The following SHMT2 variants were observed in gnomAD, a reference collection of about 807,000 sequenced individuals.
SHMT2 encodes the protein serine hydroxymethyltransferase, mitochondrial.
In SHMT2, 38 loss-of-function variants were observed where a neutral mutation model predicts 59.6. The observed-to-expected ratio is 0.64, with a 90% CI of 0.49 to 0.84. SHMT2 has a LOEUF of 0.84. Among genes scored for constraint, SHMT2 ranks in the 40% least tolerant of loss-of-function variants. The pLI is 0.00. For missense variants in SHMT2, 533 were observed against 659.5 expected (o/e 0.81, Z 2.10); for synonymous variants, 254 against 258.1 (o/e 0.98, Z 0.15).
In SHMT2 at chr12:57,230,862, A is replaced by C; in HGVS notation, c.93A>C (p.Ala31=). Residue 31 remains alanine, a synonymous_variant, in exon 2 of 12, where the codon GCA becomes GCC. Coordinates refer to ENST00000328923, the MANE Select transcript of SHMT2 (RefSeq NM_005412.6). ...CCATTCGGGCTCAGCACAGCAACGC[A>C]GCCCAGACTCAGACTGGGGAAGCAA... The part of the protein sequence containing the change: ...RMAIRAQHSN[A]AQTQTGEANR... 6.2e-7 allele frequency: 1 copy of C among 1,614,130 alleles called. No homozygotes were observed. The highest frequency in any genetic ancestry group is 8.5e-7 in the Non-Finnish European group (1 of 1,180,024).
Position 57,229,740 on chromosome 12 carries a change from A to G in SHMT2, c.-39A>G, listed in dbSNP as rs1224094294. Reference sequence around the variant, plus strand: ...TTCCGACAGCTTGCTGCCCTAGACCAGAGTTGGTGGCTGGACCTCCTGCGA... The same window carrying G: ...TTCCGACAGCTTGCTGCCCTAGACCGGAGTTGGTGGCTGGACCTCCTGCGA... On this transcript the variant is annotated 5_prime_UTR_variant, in exon 1 of 12. Coordinates refer to ENST00000328923, the MANE Select transcript of SHMT2 (RefSeq NM_005412.6). The G allele has an allele frequency of 6.2e-6, 10 of 1,613,590 alleles. No homozygotes were observed. The highest frequency in any genetic ancestry group is 1.3e-5 in the African/African-American group (1 of 74,924).
At position 57,234,114 on chromosome 12, in the gene SHMT2, A is replaced by T; in HGVS notation, c.1387+4A>T. 1 of 1,614,084 alleles carries T rather than the reference A, an allele frequency of 6.2e-7. No individual in the cohort carries two copies. The highest frequency in any genetic ancestry group is 8.5e-7 in the Non-Finnish European group (1 of 1,179,958). On this transcript the variant is annotated splice_donor_region_variant and intron_variant, in intron 11 of 11. Coordinates refer to ENST00000328923, the MANE Select transcript of SHMT2 (RefSeq NM_005412.6). ...TTAGAGGTGAAGAGCAAGACTGGTG[A>T]GTGAGCAAGAAGGAGCCCCGGGCCA...
At position 57,234,214 on chromosome 12, in the gene SHMT2, T is replaced by G; in HGVS notation, c.1388-20T>G. 1.9e-6 allele frequency: 3 copies of G among 1,611,560 alleles called. No homozygotes were observed. Among genetic ancestry groups the G allele is most frequent in the Non-Finnish European group, 1.7e-6 (2 of 1,178,144 alleles). On this transcript the variant is annotated intron_variant, in intron 11 of 11. Coordinates refer to ENST00000328923, the MANE Select transcript of SHMT2 (RefSeq NM_005412.6). ...TTCCCTAGAGCTCTGACCACTTGTT[T>G]CCTCACCCTCTCTCTCTAGCCAAGC...
chr12:57,233,539 C>T (rs2037417539), intron 8 of SHMT2, 24 bp from the exon 9 acceptor site: 1 of 1,603,286 alleles, frequency 6.2e-7, no homozygotes, highest in Non-Finnish European at 8.5e-7. Context: ...CCTAGGGTGA[C>T]AGCTGCTACT....
At position 57,234,507 on chromosome 12, in the gene SHMT2, A is replaced by G. The variant is rs572752383; in HGVS notation, c.*146A>G. ...AGAGCCAGGTATAGTCTCCCTTCCC[A>G]GAATTTGTAACTGAGAAGATCTTTT... On this transcript the variant is annotated 3_prime_UTR_variant, in exon 12 of 12. Coordinates refer to ENST00000328923, the MANE Select transcript of SHMT2 (RefSeq NM_005412.6). 2 of 805,132 alleles carry G rather than the reference A, an allele frequency of 2.5e-6. No individual in the cohort carries two copies. Among genetic ancestry groups the G allele is most frequent in the African/African-American group, 3.5e-5 (2 of 57,058 alleles). 49.9% of individuals were successfully genotyped at this position (805,132 alleles called of 1,614,324 possible).
intron 6 of SHMT2, 48 bp from the exon 7 acceptor site, chr12:57,232,656 C>T: frequency 6.2e-7 from 1 of 1,608,106 alleles, no homozygotes; most frequent in East Asian, 2.2e-5. Flanking sequence ...TTGGGCAGGC[C>T]TCTCCGGGCC....
At chr12:57,232,148 A>G in intron 4 of SHMT2, 63 bp from the exon 5 acceptor site, 16 of 1,430,244 alleles carry the variant, frequency 1.1e-5, no homozygotes, top group Non-Finnish European at 1.6e-5. Context: ...TGTGGAGTTG[A>G]AGGGAGTGGT....
chr12:57,231,161 C>A (rs569319228), intron 2 of SHMT2, 161 bp downstream of exon 2: 2 of 740,116 alleles, frequency 2.7e-6, no homozygotes, highest in South Asian at 1.8e-5. Context: ...CAGTGCAAGT[C>A]CAGTTTATGG....
At chr12:57,230,364 C>A in intron 1 of SHMT2, 1 of 1,148,008 alleles carries the variant, frequency 8.7e-7, no homozygotes, top group Non-Finnish European at 1.1e-6. Context: ...ACCTGCATTG[C>A]TCTACAATCT....
rs913566895 is a variant in SHMT2 at position 57,234,805 on chromosome 12, C to T, written c.*444C>T. The T allele has an allele frequency of 5.1e-5, 8 of 157,172 alleles. No individual in the cohort carries two copies. The highest frequency in any genetic ancestry group is 1.3e-4 in the Admixed American group (2 of 15,758). 9.7% of individuals were successfully genotyped at this position (157,172 alleles called of 1,614,324 possible). ...CTCCCTCAATGTGTACACCGCTCCG[C>T]TCCCACCACCGCTACCACAAGGACC... On this transcript the variant is annotated 3_prime_UTR_variant, in exon 12 of 12. Transcript: ENST00000328923.
Position 57,231,879 on chromosome 12 carries a change from C to T in SHMT2, c.478C>T (p.Arg160Trp), listed in dbSNP as rs1415799943. 2.5e-6 allele frequency: 4 copies of T among 1,613,026 alleles called. No individual in the cohort carries two copies. Among genetic ancestry groups the T allele is most frequent in the South Asian group, 1.1e-5 (1 of 90,888 alleles). ...VYTALLQPHD[R>W]IMGLDLPDGG... ...CACAGCCCTTCTGCAACCTCACGAC[C>T]GGATCATGGGGCTGGACCTGCCCGA... Residue 160 changes from arginine to tryptophan, a missense_variant, in exon 4 of 12, where the codon CGG (arginine) becomes TGG (tryptophan). Transcript: ENST00000328923.
intron 1 of SHMT2, chr12:57,230,459 T>A: frequency 8.3e-7 from 1 of 1,200,452 alleles, no homozygotes; most frequent in Non-Finnish European, 1.0e-6. Flanking sequence ...ACCCTCTTGT[T>A]CCTGTGGGTG....
At chr12:57,230,236 G>A (rs1414209690) in intron 1 of SHMT2, 4 of 1,236,616 alleles carry the variant, frequency 3.2e-6, no homozygotes, top group East Asian at 1.1e-4. Context: ...CTGGAAGGAG[G>A]TGGAACGGGT....
At chr12:57,232,045 A>T (rs2037339999) in intron 4 of SHMT2, 132 bp downstream of exon 4, 1 of 1,171,234 alleles carries the variant, frequency 8.5e-7, no homozygotes, top group Admixed American at 2.0e-5. Flanking sequence ...ACAGTGGATG[A>T]GGAAGATAAG....
chr12:57,230,697 C>T, intron 1 of SHMT2, 106 bp from the exon 2 acceptor site: 1 of 1,498,824 alleles, frequency 6.7e-7, no homozygotes, highest in South Asian at 1.3e-5. Flanking sequence ...AACAGGCTGG[C>T]TGGACAACTG....
intron 1 of SHMT2, chr12:57,230,586 T>G: frequency 7.1e-7 from 1 of 1,414,268 alleles, no homozygotes. Flanking sequence ...TGAGGTGCGG[T>G]GCGGTGAATG....
At chr12:57,232,967 G>A (rs2037389423) in intron 7 of SHMT2, 124 bp downstream of exon 7, 1 of 1,382,802 alleles carries the variant, frequency 7.2e-7, no homozygotes, top group Non-Finnish European at 9.8e-7. Context: ...TGCCCAGTCT[G>A]TGAGAGTTCT....
Position 57,233,546 on chromosome 12 carries a change from T to C in SHMT2, c.1024-17T>C. On this transcript the variant is annotated splice_polypyrimidine_tract_variant and intron_variant, in intron 8 of 11. Coordinates refer to ENST00000328923, the MANE Select transcript of SHMT2 (RefSeq NM_005412.6). ...GGTCCAGGCCTAGGGTGACAGCTGC[T>C]ACTGTCTCATCTCCAGGCCTGCACC... is the stretch of plus-strand genomic sequence containing the variant. 2 of 1,607,796 alleles carry C rather than the reference T, an allele frequency of 1.2e-6. No homozygotes were observed. Among genetic ancestry groups the C allele is most frequent in the Non-Finnish European group, 1.7e-6 (2 of 1,175,946 alleles).
At chr12:57,230,748 G>A (rs1380182628) in intron 1 of SHMT2, 55 bp from the exon 2 acceptor site, 16 of 1,590,590 alleles carry the variant, frequency 1.0e-5, no homozygotes, top group Middle Eastern at 3.5e-4. Flanking sequence ...GAGGGTGGCC[G>A]GGAGACGATT....
Sources: allele counts gnomAD v4.1 joint callset, GRCh38; gene constraint gnomAD v4.1.1; transcripts MANE v1.5; gene names NCBI Gene and HGNC (gene_info 2026-07-23, HGNC 2026-07-21).